Variants in RPA1 observed in about 807,000 individuals in gnomAD.
The protein encoded by RPA1 is replication protein A1.
Under a neutral mutation model 83.0 loss-of-function variants are expected in RPA1, and 49 were observed. The observed-to-expected ratio is 0.59, with a 90% CI of 0.47 to 0.75. The LOEUF (loss-of-function observed/expected upper bound fraction) is 0.75. Ranked by LOEUF, RPA1 falls within the 30% of genes least tolerant of loss-of-function variation. The pLI, the probability that RPA1 is intolerant of heterozygous loss-of-function variation, is 0.00. For synonymous variants in RPA1, 279 were observed against 281.8 expected (o/e 0.99, Z 0.10); for missense variants, 693 against 776.1 (o/e 0.89, Z 1.27).
At chr17:1,856,664 A>C (rs1340858858) in intron 5 of RPA1, among the ~76,000 whole-genome samples, 4 of 151,082 alleles carry the variant, frequency 2.6e-5, no homozygotes, top group Non-Finnish European at 5.9e-5. Context: ...TTTTTATTTA[A>C]TTTTTACTTT....
In RPA1 at chr17:1,897,881, G is replaced by A. The variant is rs1412933015; in HGVS notation, c.*706G>A. 1 of 152,656 alleles carries A rather than the reference G, an allele frequency of 6.6e-6. No individual in the cohort carries two copies. The highest frequency in any genetic ancestry group is 1.5e-5 in the Non-Finnish European group (1 of 68,052). 9.5% of individuals were successfully genotyped at this position (152,656 alleles called of 1,614,324 possible). On this transcript the variant is annotated 3_prime_UTR_variant, in exon 17 of 17. Coordinates refer to ENST00000254719, the MANE Select transcript of RPA1 (RefSeq NM_002945.5). ...CTAAGGAAATCCGAGCGGCTACAAA[G>A]CGTTTCTTTACTTCTCACTTCAATT...
intron 14 of RPA1, 95 bp downstream of exon 14, chr17:1,888,946 C>A: frequency 7.5e-7 from 1 of 1,341,028 alleles, no homozygotes; most frequent in Non-Finnish European, 1.0e-6. Context: ...ACAAAGCATT[C>A]CTGGTAGGAA....
At chr17:1,849,647 G>T (rs1912406746) in intron 4 of RPA1, among the ~76,000 whole-genome samples, 3 of 145,830 alleles carry the variant, frequency 2.1e-5, no homozygotes, top group Non-Finnish European at 1.5e-5. Flanking sequence ...TTACTGTATT[G>T]ACAGCGCTGT....
Position 1,888,801 on chromosome 17 carries a change from G to A in RPA1, c.1501G>A (p.Glu501Lys). 6.2e-7 allele frequency: 1 copy of A among 1,614,188 alleles called. No individual in the cohort carries two copies. ...IDQQNGLYRCEKCDTEFPNFK... is the reference protein window; with the variant it reads ...IDQQNGLYRCKKCDTEFPNFK... ...TCAACAGAATGGATTGTACCGCTGT[G>A]AGAAGTGCGACACCGAATTTCCCAA... The change falls in exon 14 of 17, where the codon GAG becomes AAG. Residue 501 changes from glutamate to lysine, a missense_variant. Glu to Lys is a moderately conservative substitution (Grantham distance 56). Coordinates refer to ENST00000254719, the MANE Select transcript of RPA1 (RefSeq NM_002945.5).
intron 5 of RPA1, among the ~76,000 whole-genome samples, chr17:1,860,839 A>G (rs1210040810): frequency 6.6e-6 from 1 of 152,094 alleles, no homozygotes; most frequent in Non-Finnish European, 1.5e-5. Flanking sequence ...TCCTGTAATT[A>G]TTCTTGAGCT....
chr17:1,868,826 A>G (rs1913279830), intron 5 of RPA1, among the ~76,000 whole-genome samples: 1 of 152,212 alleles, frequency 6.6e-6, no homozygotes, highest in African/African-American at 2.4e-5. Context: ...GCTTCATACT[A>G]TATTGAATTA....
intron 4 of RPA1, among the ~76,000 whole-genome samples, chr17:1,852,675 CAAAAGAACTGT>C (rs1429627457): frequency 1.3e-5 from 2 of 152,134 alleles, no homozygotes; most frequent in African/African-American, 4.8e-5. Context: ...AGTTAAAAAG[CAAAAGAACTGT>C]AAGTTCTTAA....
chr17:1,890,664 A>G (rs1397183396), intron 14 of RPA1, among the ~76,000 whole-genome samples: 1 of 152,180 alleles, frequency 6.6e-6, no homozygotes, highest in Non-Finnish European at 1.5e-5. Flanking sequence ...CTCCATCTCA[A>G]TAAATAAATA....
intron 5 of RPA1, among the ~76,000 whole-genome samples, chr17:1,861,858 G>A (rs1912984330): frequency 6.6e-6 from 1 of 151,742 alleles, no homozygotes; most frequent in Non-Finnish European, 1.5e-5. Context: ...CTCAGTAGCT[G>A]GGATTACAGG....
At chr17:1,861,111 C>T (rs1192598860) in intron 5 of RPA1, among the ~76,000 whole-genome samples, 1 of 152,204 alleles carries the variant, frequency 6.6e-6, no homozygotes, top group Non-Finnish European at 1.5e-5. Context: ...TCACCCTGGC[C>T]TCAGATCGTG....
At chr17:1,886,293 A>T (rs563167531) in intron 13 of RPA1, among the ~76,000 whole-genome samples, 1 of 152,210 alleles carries the variant, frequency 6.6e-6, no homozygotes, top group African/African-American at 2.4e-5. Context: ...CCAAGCTTTG[A>T]TATTCTATTT....
intron 3 of RPA1, 72 bp downstream of exon 3, chr17:1,844,070 C>T: frequency 1.4e-6 from 2 of 1,402,460 alleles, no homozygotes; most frequent in African/African-American, 2.8e-5. Context: ...CCTTTGGTTG[C>T]CATAATTTGG....
At chr17:1,889,668 T>C (rs1162319971) in intron 14 of RPA1, among the ~76,000 whole-genome samples, 1 of 152,088 alleles carries the variant, frequency 6.6e-6, no homozygotes, top group Non-Finnish European at 1.5e-5. Context: ...TTTTGTTTTG[T>C]TTTCAATGAT....
Position 1,875,690 on chromosome 17 carries a change from T to C in RPA1, c.484T>C (p.Ser162Pro). ...GSTVSKAYGA[S>P]KTFGKAAGPS... is the part of the protein sequence containing the mutation. The stretch of plus-strand genomic sequence containing the variant: ...TACTGTTTCTAAGGCTTATGGTGCT[T>C]CAAAGACATTTGGAAAAGCTGCAGG... Residue 162 changes from serine (S) to proline (P), a missense_variant, in exon 7 of 17, where the codon TCA (serine) becomes CCA (proline). By Grantham distance (74) the Ser-to-Pro change is moderately conservative. Transcript: ENST00000254719. The C allele has an allele frequency of 6.2e-7, 1 of 1,614,166 alleles. No individual in the cohort carries two copies. The highest frequency in any genetic ancestry group is 8.5e-7 in the Non-Finnish European group (1 of 1,180,030).
intron 5 of RPA1, chr17:1,857,907 A>G (rs1245922722): frequency 3.9e-6 from 6 of 1,553,932 alleles, no homozygotes; most frequent in African/African-American, 1.4e-5. Flanking sequence ...TACTGCTCCA[A>G]GGAGATCTGA....
intron 5 of RPA1, among the ~76,000 whole-genome samples, chr17:1,857,267 C>CTTTTTTT (rs35514214): frequency 4.5e-5 from 6 of 134,788 alleles, no homozygotes; most frequent in Admixed American, 7.4e-5. Context: ...TTTTCTTTTT[C>CTTTTTTT]TTTTTTTTTT....
chr17:1,871,891 CAACT>C (rs1913388584), intron 5 of RPA1, among the ~76,000 whole-genome samples: 1 of 152,156 alleles, frequency 6.6e-6, no homozygotes, highest in Non-Finnish European at 1.5e-5. Flanking sequence ...CCTTTTCCAC[CAACT>C]GTCAGTTGCA....
intron 6 of RPA1, among the ~76,000 whole-genome samples, chr17:1,875,340 G>A (rs1913532999): frequency 6.6e-6 from 1 of 152,188 alleles, no homozygotes; most frequent in Admixed American, 6.5e-5. Context: ...TGAGGCAAGA[G>A]AAGTGTTTAA....
chr17:1,832,336 A>T (rs959395439), intron 1 of RPA1, among the ~76,000 whole-genome samples: 2 of 152,014 alleles, frequency 1.3e-5, no homozygotes, highest in African/African-American at 4.8e-5. Flanking sequence ...TTCCCTTACT[A>T]GGCTAAATCC....
Sources: gnomAD v4.1 joint callset for allele counts (sites outside exome capture counted in the v4.1 genomes callset) on GRCh38, gnomAD v4.1.1 for gene constraint, MANE v1.5 for transcripts, NCBI Gene and HGNC (gene_info 2026-07-23, HGNC 2026-07-21) for gene names.